The following JAKMIP3 variants were observed in gnomAD, a reference collection of about 807,000 sequenced individuals.
JAKMIP3 encodes the protein janus kinase and microtubule-interacting protein 3.
In JAKMIP3, 58 loss-of-function variants were observed where a neutral mutation model predicts 118.5. The observed-to-expected ratio is 0.49, with a 90% CI of 0.40 to 0.61. The LOEUF is 0.61. JAKMIP3 is among the 20% of genes least tolerant of loss of function. JAKMIP3 has a pLI of 0.00. For synonymous variants in JAKMIP3, 486 were observed against 451.2 expected, an observed-to-expected ratio of 1.08 and a Z score of -0.98; for missense variants, 950 against 1,109.0, an observed-to-expected ratio of 0.86 and a Z score of 2.04.
chr10:132,166,098 A>C (rs923105200), intron 21 of JAKMIP3, among the ~76,000 whole-genome samples: 5 of 152,174 alleles, frequency 3.3e-5, no homozygotes, highest in African/African-American at 1.2e-4. Context: ...CCTAGATGGG[A>C]GGATCGCTTG....
At chr10:132,085,721 G>C (rs370479203) in intron 1 of JAKMIP3, among the ~76,000 whole-genome samples, 3 of 152,032 alleles carry the variant, frequency 2.0e-5, no homozygotes, top group African/African-American at 7.2e-5. Flanking sequence ...GGCTGGTCTC[G>C]AACTCCTGAC....
chr10:132,164,511 G>C (rs115896695), intron 20 of JAKMIP3, among the ~76,000 whole-genome samples, 159 bp from the exon 21 acceptor site: 105 of 152,384 alleles, frequency 6.9e-4, no homozygotes, highest in African/African-American at 2.5e-3. Context: ...TGCCAGAGCA[G>C]TGCAGCAAAG....
intron 9 of JAKMIP3, 80 bp downstream of exon 9, chr10:132,138,258 G>C (rs958017244): frequency 7.7e-7 from 1 of 1,291,726 alleles, no homozygotes; most frequent in Non-Finnish European, 1.1e-6. Flanking sequence ...TGTGGAGAGC[G>C]CTGGTGTGTG....
At chr10:132,072,753 C>A (rs1301437389) in intron 1 of JAKMIP3, among the ~76,000 whole-genome samples, 1 of 151,790 alleles carries the variant, frequency 6.6e-6, no homozygotes, top group African/African-American at 2.4e-5. Flanking sequence ...TTATACCTCT[C>A]TTTTTAAAAT....
At chr10:132,157,038 A>G (rs870553) in intron 19 of JAKMIP3, among the ~76,000 whole-genome samples, 4,905 of 152,206 alleles carry the variant, frequency 0.032, 215 homozygotes, top group South Asian at 0.18. Context: ...TACACATAGT[A>G]TCTTTGCAAA....
intron 3 of JAKMIP3, among the ~76,000 whole-genome samples, chr10:132,124,278 C>G (rs79171312): frequency 6.6e-6 from 1 of 152,186 alleles, no homozygotes; most frequent in Admixed American, 6.5e-5. Flanking sequence ...CATTGCCACG[C>G]GGTCGCCCGT....
At chr10:132,080,114 A>T (rs2041529288) in intron 1 of JAKMIP3, among the ~76,000 whole-genome samples, 1 of 152,202 alleles carries the variant, frequency 6.6e-6, no homozygotes, top group African/African-American at 2.4e-5. Context: ...CAGAAGTTGG[A>T]GGCTGCAGTG....
intron 4 of JAKMIP3, among the ~76,000 whole-genome samples, chr10:132,134,769 T>C (rs1198751226): frequency 6.6e-6 from 1 of 152,272 alleles, no homozygotes; most frequent in Non-Finnish European, 1.5e-5. Flanking sequence ...TCTGCTCCTT[T>C]TCATTATTTT....
At chr10:132,147,909 G>A in intron 13 of JAKMIP3, 43 bp from the exon 14 acceptor site, 1 of 1,417,944 alleles carries the variant, frequency 7.1e-7, no homozygotes, top group Non-Finnish European at 9.8e-7. Flanking sequence ...CCTCTGGTGA[G>A]AGAGAACCAG....
In JAKMIP3 at chr10:132,117,191, A is replaced by G. The variant is rs751521815; in HGVS notation, c.250A>G (p.Met84Val). The change falls in exon 3 of 24, where the codon ATG (methionine) becomes GTG (valine). Residue 84 changes from methionine (M) to valine (V), a missense_variant. Transcript: ENST00000684848. The surrounding 1 kb of genome is among the most constrained non-coding windows in gnomAD (Gnocchi z 8.6). ...CAAGACAAAGCTGCACGAGGAGAAG[A>G]TGAAGGAGCTACAGGCTGTGCGTGA... The part of the protein sequence containing the change: ...ELKTKLHEEK[M>V]KELQAVRETL... 1.1e-5 allele frequency: 18 copies of G among 1,613,824 alleles called. No individual in the cohort carries two copies. Among genetic ancestry groups the G allele is most frequent in the Non-Finnish European group, 1.4e-5 (17 of 1,179,892 alleles).
chr10:132,153,537 GAGA>G (rs1234894617), intron 17 of JAKMIP3, among the ~76,000 whole-genome samples: 4 of 152,150 alleles, frequency 2.6e-5, no homozygotes, highest in African/African-American at 7.2e-5. Flanking sequence ...TCCTCTCCTG[GAGA>G]AGGTGTCAGG....
Position 132,168,239 on chromosome 10 carries a change from T to A in JAKMIP3, c.*309T>A. 1 of 1,289,198 alleles carries A rather than the reference T, an allele frequency of 7.8e-7. No homozygotes were observed. Among genetic ancestry groups the A allele is most frequent in the South Asian group, 1.2e-5 (1 of 80,986 alleles). 79.9% of individuals were successfully genotyped at this position (1,289,198 alleles called of 1,614,324 possible). A position where few individuals can be genotyped will look rare whatever the true frequency, so the allele number is the denominator to read the frequency against. ...TCCCGGACGGCAGCCCCCATCCCAT[T>A]TCCAGGGATGTGTAGCATTCCCTGC... On this transcript the variant is annotated 3_prime_UTR_variant, in exon 23 of 24. Transcript: ENST00000684848.
At chr10:132,165,430 C>T (rs1430440369) in intron 21 of JAKMIP3, among the ~76,000 whole-genome samples, 1 of 152,176 alleles carries the variant, frequency 6.6e-6, no homozygotes, top group African/African-American at 2.4e-5. Context: ...TGTGATTGGT[C>T]CTGGGGGCCC....
intron 1 of JAKMIP3, among the ~76,000 whole-genome samples, chr10:132,081,772 G>T (rs933355037): frequency 1.3e-5 from 2 of 152,042 alleles, no homozygotes; most frequent in Admixed American, 1.3e-4. Context: ...GAGTCTTGGG[G>T]GGAGACGTGA....
At chr10:132,159,291 T>G (rs1335401943) in intron 19 of JAKMIP3, among the ~76,000 whole-genome samples, 1 of 118,700 alleles carries the variant, frequency 8.4e-6, no homozygotes, top group South Asian at 3.1e-4. Context: ...TCTGTGATGC[T>G]GGGGGCGCCT....
chr10:132,129,173 C>G (rs2050143781), intron 3 of JAKMIP3, among the ~76,000 whole-genome samples: 1 of 152,066 alleles, frequency 6.6e-6, no homozygotes, highest in Non-Finnish European at 1.5e-5. Context: ...TGGTTTCAGG[C>G]TTTGTTAGGG....
chr10:132,103,118 C>T (rs1360962113), intron 1 of JAKMIP3, among the ~76,000 whole-genome samples: 1 of 152,028 alleles, frequency 6.6e-6, no homozygotes, highest in Non-Finnish European at 1.5e-5. Flanking sequence ...TCCTGGCTGC[C>T]TTCACTGCCC....
At chr10:132,083,440 A>T (rs1351907859) in intron 1 of JAKMIP3, among the ~76,000 whole-genome samples, 2 of 152,066 alleles carry the variant, frequency 1.3e-5, no homozygotes, top group Admixed American at 6.5e-5. Flanking sequence ...GTCCTTTGTC[A>T]GATGTATAGA....
chr10:132,070,523 C>T (rs756802385), intron 1 of JAKMIP3, among the ~76,000 whole-genome samples: 31 of 152,168 alleles, frequency 2.0e-4, no homozygotes, highest in African/African-American at 7.2e-4. Flanking sequence ...TAATCCCATG[C>T]GTGATCTTTG....
Sources: gnomAD v4.1 joint callset for allele counts (sites outside exome capture counted in the v4.1 genomes callset) on GRCh38, gnomAD v4.1.1 for gene constraint, Gnocchi (gnomAD v3.1) non-coding constraint, MANE v1.5 for transcripts, NCBI Gene and HGNC (gene_info 2026-07-23, HGNC 2026-07-21) for gene names.